The following CFAP61 variants were observed in gnomAD, a reference collection of about 807,000 sequenced individuals.
CFAP61 encodes cilia- and flagella-associated protein 61.
A neutral mutation model predicts 135.6 loss-of-function variants in CFAP61; 107 were observed. The observed-to-expected ratio is 0.79, with a 90% CI of 0.67 to 0.93. The LOEUF (loss-of-function observed/expected upper bound fraction) is 0.93. CFAP61 is among the 40% of genes least tolerant of loss of function. The pLI, the probability that CFAP61 is intolerant of heterozygous loss-of-function variation, is 0.00. For synonymous variants in CFAP61, 575 were observed against 578.5 expected, an observed-to-expected ratio of 0.99 and a Z score of 0.09; for missense variants, 1,507 against 1,556.2, an observed-to-expected ratio of 0.97 and a Z score of 0.53.
At chr20:20,141,579 C>G (rs2051407910) in intron 8 of CFAP61, among the ~76,000 whole-genome samples, 1 of 152,178 alleles carries the variant, frequency 6.6e-6, no homozygotes, top group Non-Finnish European at 1.5e-5. Context: ...ATTGTGCCTT[C>G]AACATTATGT....
At position 20,360,417 on chromosome 20, in the gene CFAP61, G is replaced by C. The variant is rs368245807; in HGVS notation, c.*7G>C. On this transcript the variant is annotated 3_prime_UTR_variant, in exon 27 of 27. Coordinates refer to ENST00000245957, the MANE Select transcript of CFAP61 (RefSeq NM_015585.4). The stretch of plus-strand genomic sequence containing the variant: ...GTGGCCAGGCATCGTTTAGTTGTAG[G>C]CAGGGTCTCCCCTTTATGGTTTTCA... 26 of 1,612,968 alleles carry C rather than the reference G, an allele frequency of 1.6e-5. No individual in the cohort carries two copies. In the African/African-American group the frequency reaches 3.2e-4, roughly 20 times the overall value.
intron 26 of CFAP61, among the ~76,000 whole-genome samples, chr20:20,343,989 A>G (rs1368691518): frequency 6.6e-6 from 1 of 152,222 alleles, no homozygotes; most frequent in Non-Finnish European, 1.5e-5. Context: ...CCCAAGACAC[A>G]CTAAAGGCCC....
At chr20:20,098,607 C>CA (rs10651068) in intron 7 of CFAP61, 48 bp from the exon 8 acceptor site, 39,752 of 1,159,250 alleles carry the variant, frequency 0.034, 597 homozygotes, top group South Asian at 0.048. Flanking sequence ...GACTTTGTCT[C>CA]AAAAAAAAAA....
intron 25 of CFAP61, among the ~76,000 whole-genome samples, chr20:20,340,584 C>T (rs918659036): frequency 3.3e-5 from 5 of 152,022 alleles, no homozygotes; most frequent in African/African-American, 4.8e-5. Flanking sequence ...TTAAAGGCGC[C>T]GGGCAGGGAG....
chr20:20,084,985 T>C, intron 6 of CFAP61: 1 of 356,774 alleles, frequency 2.8e-6, no homozygotes, highest in Non-Finnish European at 3.9e-6. Flanking sequence ...TAAAATATTG[T>C]ATAATTGATG....
chr20:20,324,787 C>T (rs1323812898), intron 25 of CFAP61, among the ~76,000 whole-genome samples: 2 of 152,192 alleles, frequency 1.3e-5, no homozygotes, highest in Admixed American at 1.3e-4. Context: ...GTACTTTCAA[C>T]TTGCCTCTCT....
chr20:20,062,117 G>A (rs548368666), intron 2 of CFAP61, among the ~76,000 whole-genome samples: 3 of 152,074 alleles, frequency 2.0e-5, no homozygotes, highest in African/African-American at 7.2e-5. Flanking sequence ...GTGCCTACAT[G>A]GAGGAGAATT....
chr20:20,090,745 G>A, intron 6 of CFAP61, 99 bp from the exon 7 acceptor site: 1 of 1,069,394 alleles, frequency 9.4e-7, no homozygotes, highest in Non-Finnish European at 1.4e-6. Context: ...TGTTGCTCTA[G>A]CCCCGGCACT....
intron 14 of CFAP61, 64 bp from the exon 15 acceptor site, chr20:20,191,278 C>G: frequency 7.3e-7 from 1 of 1,378,540 alleles, no homozygotes; most frequent in Non-Finnish European, 1.0e-6. Context: ...CCACTGTTGC[C>G]TGCTTACAAA....
chr20:20,116,761 A>C (rs1292266441), intron 8 of CFAP61, among the ~76,000 whole-genome samples: 1 of 149,840 alleles, frequency 6.7e-6, no homozygotes, highest in Non-Finnish European at 1.5e-5. Context: ...CCACCCCTCT[A>C]CTCTTCCTGA....
chr20:20,224,166 TA>T (rs2048577126), intron 17 of CFAP61, among the ~76,000 whole-genome samples: 1 of 152,146 alleles, frequency 6.6e-6, no homozygotes, highest in Non-Finnish European at 1.5e-5. Context: ...AATAAATGGA[TA>T]AAAGCAACCA....
rs71198053 is a variant in CFAP61, at chr20:20,355,986, C to CGTGGTCACACTGTGAGGGGAGGTG, written c.3514-4222_3514-4221insGGTCACACTGTGAGGGGAGGTGGT. On this transcript the variant is annotated intron_variant, in intron 26 of 26. Coordinates refer to ENST00000245957, the MANE Select transcript of CFAP61 (RefSeq NM_015585.4). ...GGGAGGTGATCACACTGTGAGGGGA[C>CGTGGTCACACTGTGAGGGGAGGTG]GTCACACTGTGAGGGGAGGTGGTCA... 1.1e-4 allele frequency among the ~76,000 whole-genome samples: 11 copies of CGTGGTCACACTGTGAGGGGAGGTG among 96,628 alleles called. 3 individuals are homozygous for CGTGGTCACACTGTGAGGGGAGGTG. The highest frequency in any genetic ancestry group is 4.0e-4 in the African/African-American group (8 of 19,816). The allele number at this position is 96,628 out of a possible 152,430, so 63.4% of individuals were successfully genotyped here.
intron 8 of CFAP61, among the ~76,000 whole-genome samples, chr20:20,118,616 C>T (rs2146688144): frequency 6.6e-6 from 1 of 152,194 alleles, no homozygotes; most frequent in East Asian, 1.9e-4. Context: ...GCTGGGATTA[C>T]AGGTGTGAAC....
intron 8 of CFAP61, among the ~76,000 whole-genome samples, chr20:20,114,135 T>A (rs1202103192): frequency 6.6e-6 from 1 of 151,508 alleles, no homozygotes; most frequent in Non-Finnish European, 1.5e-5. Context: ...CCAGGCATGG[T>A]GACATGTGCC....
intron 9 of CFAP61, among the ~76,000 whole-genome samples, chr20:20,151,697 G>A (rs1445588607): frequency 1.3e-5 from 2 of 151,964 alleles, no homozygotes; most frequent in Non-Finnish European, 2.9e-5. Flanking sequence ...AAGTGTGGTG[G>A]TGGGCACCTG....
intron 25 of CFAP61, among the ~76,000 whole-genome samples, chr20:20,340,357 G>A (rs1569314132): frequency 6.6e-6 from 1 of 152,162 alleles, no homozygotes; most frequent in Non-Finnish European, 1.5e-5. Context: ...GGTTCAGAGG[G>A]AGGCAAGGAG....
Position 20,074,345 on chromosome 20 carries a change from A to T in CFAP61, c.338A>T (p.Glu113Val). 1 of 1,614,166 alleles carries T rather than the reference A, an allele frequency of 6.2e-7. No homozygotes were observed. The highest frequency in any genetic ancestry group is 8.5e-7 in the Non-Finnish European group (1 of 1,180,018). ...ATGCACCTCTTTGTGGCCGTGGATG[A>T]GTATTCTGTTGGCTGTTGCAAAGAG... ...LFMHLFVAVD[E>V]YSVGCCKEIL... Residue 113 changes from glutamate (E) to valine (V), a missense_variant, in exon 4 of 27, where the codon GAG (glutamate) becomes GTG (valine). Glu to Val is a moderately radical substitution (Grantham distance 121, BLOSUM62 -2). Transcript: ENST00000245957.
Position 20,099,451 on chromosome 20 carries a change from G to A in CFAP61, c.859+637G>A, listed in dbSNP as rs182378150. On this transcript the variant is annotated intron_variant, in intron 8 of 26. Coordinates refer to ENST00000245957, the MANE Select transcript of CFAP61 (RefSeq NM_015585.4). ...TTACTGTATCCATGGGTATCTTTGC[G>A]GTTACATATTTGGGTTCTTACAGAA... 3.3e-5 allele frequency among the ~76,000 whole-genome samples: 5 copies of A among 152,208 alleles called. No individual in the cohort carries two copies. In the East Asian group the frequency reaches 9.7e-4, roughly 29 times the overall value.
chr20:20,328,526 A>G (rs1288008692), intron 25 of CFAP61, among the ~76,000 whole-genome samples: 1 of 152,214 alleles, frequency 6.6e-6, no homozygotes. Context: ...AAAAGCAAAA[A>G]TAAACAAGTG....
Sources: allele counts gnomAD v4.1 joint callset (sites outside exome capture counted in the v4.1 genomes callset), GRCh38; gene constraint gnomAD v4.1.1; transcripts MANE v1.5; gene names NCBI Gene and HGNC (gene_info 2026-07-23, HGNC 2026-07-21).